NOL4: variants seen among roughly 807,000 people sequenced by gnomAD.
NOL4 encodes the protein cancer/testis antigen 125.
In NOL4, 17 loss-of-function variants were observed where a neutral mutation model predicts 75.9. The ratio of observed to expected loss-of-function variants is 0.22; its 90% CI spans 0.15 to 0.34. The LOEUF (loss-of-function observed/expected upper bound fraction) is 0.34. Ranked by LOEUF, NOL4 falls within the 10% of genes least tolerant of loss-of-function variation. The pLI is 1.00. For synonymous variants in NOL4, 292 were observed against 289.9 expected (o/e 1.01, Z -0.07); for missense variants, 614 against 793.5 (o/e 0.77, Z 2.72).
At chr18:33,969,563 T>G (rs2070876181) in intron 6 of NOL4, among the ~76,000 whole-genome samples, 1 of 152,138 alleles carries the variant, frequency 6.6e-6, no homozygotes, top group African/African-American at 2.4e-5. Flanking sequence ...CAAGATATCT[T>G]TTTATTATTA....
chr18:34,163,674 T>C (rs1157778326), intron 1 of NOL4, among the ~76,000 whole-genome samples: 2 of 152,174 alleles, frequency 1.3e-5, no homozygotes, highest in African/African-American at 2.4e-5. Flanking sequence ...CCCAAGGTAA[T>C]TTATAGATTC....
intron 5 of NOL4, among the ~76,000 whole-genome samples, chr18:34,052,271 G>T: frequency 7.9e-6 from 1 of 126,968 alleles, no homozygotes; most frequent in South Asian, 3.0e-4. Context: ...CTAGCAAGTG[G>T]AGTAATACAT....
At chr18:33,899,042 G>A (rs926047307) in intron 9 of NOL4, among the ~76,000 whole-genome samples, 9 of 152,142 alleles carry the variant, frequency 5.9e-5, no homozygotes, top group Non-Finnish European at 1.0e-4. Flanking sequence ...TTTAGGCCAA[G>A]CTAACTAGGG....
chr18:34,062,676 A>G (rs2077113847), intron 5 of NOL4, among the ~76,000 whole-genome samples: 1 of 152,240 alleles, frequency 6.6e-6, no homozygotes, highest in African/African-American at 2.4e-5. Flanking sequence ...AACATATTCA[A>G]TTTTACTCAA....
At chr18:34,221,604 T>TAA (rs11388127) in intron 1 of NOL4, 3,369 of 139,294 alleles carry the variant, frequency 0.024, 59 homozygotes, top group Non-Finnish European at 0.029. Context: ...AGTACATTGT[T>TAA]AAAAAAAAAA....
chr18:33,890,857 T>A, intron 9 of NOL4, among the ~76,000 whole-genome samples: 1 of 151,928 alleles, frequency 6.6e-6, no homozygotes, highest in African/African-American at 2.4e-5. Flanking sequence ...AATAAAGAAA[T>A]AGTGGTAGAG....
intron 4 of NOL4, among the ~76,000 whole-genome samples, chr18:34,096,726 G>C (rs1462154838): frequency 1.3e-5 from 2 of 152,098 alleles, no homozygotes; most frequent in African/African-American, 4.8e-5. Context: ...CATGGCCAGA[G>C]ACCATAGTAA....
intron 5 of NOL4, among the ~76,000 whole-genome samples, chr18:34,067,538 A>G (rs1418106128): frequency 1.3e-5 from 2 of 152,142 alleles, no homozygotes; most frequent in East Asian, 3.9e-4. Context: ...AAATGATGAG[A>G]TGGTTTGGAC....
chr18:33,995,289 G>A (rs2073195653), intron 6 of NOL4, among the ~76,000 whole-genome samples: 1 of 151,422 alleles, frequency 6.6e-6, no homozygotes, highest in African/African-American at 2.4e-5. Flanking sequence ...ACCAAAACCA[G>A]CTACAGACAT....
At chr18:33,860,310 C>A (rs1367187040) in intron 10 of NOL4, among the ~76,000 whole-genome samples, 2 of 152,072 alleles carry the variant, frequency 1.3e-5, no homozygotes, top group Non-Finnish European at 2.9e-5. Context: ...ATCTCACATC[C>A]TTTTTACATT....
At chr18:34,010,207 T>C (rs1219852411) in intron 6 of NOL4, among the ~76,000 whole-genome samples, 1 of 151,934 alleles carries the variant, frequency 6.6e-6, no homozygotes, top group African/African-American at 2.4e-5. Context: ...ATCTCCATGA[T>C]TTCAAATGTT....
At chr18:33,983,187 AG>A in intron 6 of NOL4, among the ~76,000 whole-genome samples, 1 of 152,202 alleles carries the variant, frequency 6.6e-6, no homozygotes, top group South Asian at 2.1e-4. Context: ...GCCAGGGGTT[AG>A]GGGGAGGAAG....
chr18:34,179,824 AT>A (rs1355661699), intron 1 of NOL4, among the ~76,000 whole-genome samples: 1 of 151,580 alleles, frequency 6.6e-6, no homozygotes, highest in Non-Finnish European at 1.5e-5. Flanking sequence ...TCTTCCAGTG[AT>A]TTGATCTAGG....
At chr18:33,857,317 A>G (rs1239861377) in intron 10 of NOL4, among the ~76,000 whole-genome samples, 1 of 151,930 alleles carries the variant, frequency 6.6e-6, no homozygotes, top group Non-Finnish European at 1.5e-5. Context: ...GGGAATGGAG[A>G]TTTTACTTCT....
chr18:34,004,154 C>G (rs569236556), intron 6 of NOL4, among the ~76,000 whole-genome samples: 4 of 152,172 alleles, frequency 2.6e-5, no homozygotes, highest in Admixed American at 2.6e-4. Flanking sequence ...TTGAATCCAC[C>G]TATGACCAGG....
At chr18:34,177,196 A>G (rs1378731281) in intron 1 of NOL4, among the ~76,000 whole-genome samples, 2 of 152,018 alleles carry the variant, frequency 1.3e-5, no homozygotes, top group African/African-American at 4.8e-5. Flanking sequence ...TTCCATTTAC[A>G]TAAAATTCTA....
At chr18:34,213,648 C>T (rs892463069) in intron 1 of NOL4, among the ~76,000 whole-genome samples, 2 of 152,218 alleles carry the variant, frequency 1.3e-5, no homozygotes, top group South Asian at 2.1e-4. Context: ...TAAAATAATG[C>T]GTTTAGACCC....
chr18:34,018,820 ATCCAGGACCC>A (rs1175137748), intron 6 of NOL4, among the ~76,000 whole-genome samples: 2 of 152,336 alleles, frequency 1.3e-5, no homozygotes, highest in African/African-American at 4.8e-5. Context: ...CACAAACTTC[ATCCAGGACCC>A]TCACACTTAA....
intron 9 of NOL4, among the ~76,000 whole-genome samples, chr18:33,911,142 C>G (rs1042498290): frequency 6.6e-6 from 1 of 151,602 alleles, no homozygotes; most frequent in Non-Finnish European, 1.5e-5. Flanking sequence ...GCTCCTCCCC[C>G]CCACCCCACC....
Sources: gnomAD v4.1 joint callset for allele counts (sites outside exome capture counted in the v4.1 genomes callset) on GRCh38, gnomAD v4.1.1 for gene constraint, MANE v1.5 for transcripts, NCBI Gene and HGNC (gene_info 2026-07-23, HGNC 2026-07-21) for gene names.